The following RGS6 variants were observed in gnomAD, a reference collection of about 807,000 sequenced individuals.
RGS6 encodes the protein regulator of G protein signaling 6.
A neutral mutation model predicts 78.5 loss-of-function variants in RGS6; 30 were observed. The observed-to-expected ratio is 0.38, with a 90% CI of 0.29 to 0.52. The LOEUF is 0.52. RGS6 is among the 20% of genes least tolerant of loss of function. The pLI is 0.85. For missense variants in RGS6, 495 were observed against 609.7 expected (o/e 0.81, Z 1.98); for synonymous variants, 206 against 206.0 (o/e 1.00, Z 0.00).
At chr14:72,325,156 C>G (rs559988471) in intron 2 of RGS6, among the ~76,000 whole-genome samples, 1 of 152,164 alleles carries the variant, frequency 6.6e-6, no homozygotes, top group Non-Finnish European at 1.5e-5. Flanking sequence ...TGTCTTCTTT[C>G]GAGAAGTATC....
At chr14:72,477,400 C>G (rs2096265119) in intron 11 of RGS6, 1 of 152,422 alleles carries the variant, frequency 6.6e-6, no homozygotes, top group African/African-American at 2.4e-5. Context: ...CTTGCTGGTT[C>G]CTAGAGGGCA....
intron 1 of RGS6, among the ~76,000 whole-genome samples, chr14:71,949,743 G>T (rs962443472): frequency 1.3e-5 from 2 of 149,300 alleles, no homozygotes; most frequent in Non-Finnish European, 3.0e-5. Flanking sequence ...CTACCCTAAG[G>T]CTATGAAGCT....
chr14:72,417,265 A>C, intron 3 of RGS6, among the ~76,000 whole-genome samples: 1 of 152,186 alleles, frequency 6.6e-6, no homozygotes, highest in South Asian at 2.1e-4. Context: ...ATTCTCTGTC[A>C]ACTGAATGAC....
At chr14:72,449,595 C>T (rs9989171) in intron 3 of RGS6, among the ~76,000 whole-genome samples, 4 of 152,018 alleles carry the variant, frequency 2.6e-5, no homozygotes, top group Non-Finnish European at 4.4e-5. Context: ...TACTCAACAG[C>T]GTTAATTCAG....
At chr14:72,216,461 T>C (rs1006239459) in intron 2 of RGS6, among the ~76,000 whole-genome samples, 2 of 152,190 alleles carry the variant, frequency 1.3e-5, no homozygotes, top group Non-Finnish European at 2.9e-5. Context: ...GAATTATCAG[T>C]CTTGTTACTA....
intron 2 of RGS6, among the ~76,000 whole-genome samples, chr14:72,256,719 A>G (rs1162932218): frequency 6.6e-6 from 1 of 152,232 alleles, no homozygotes; most frequent in East Asian, 1.9e-4. Context: ...GCCTATATCC[A>G]GAAGAGTTAG....
rs920005185 is a variant in RGS6 at position 72,036,573 on chromosome 14, A to G, written c.84+71698A>G. 4.6e-5 allele frequency among the ~76,000 whole-genome samples: 7 copies of G among 152,280 alleles called. 1 individual carries two copies. The highest frequency in any genetic ancestry group is 4.1e-4 in the South Asian group (2 of 4,828). ...TTAATCTACATTTTTCAAATGGCCAATGATGCTGAACATCTTTTCATGTGC... is the reference window on the plus strand; with the variant it reads ...TTAATCTACATTTTTCAAATGGCCAGTGATGCTGAACATCTTTTCATGTGC... On this transcript the variant is annotated intron_variant, in intron 2 of 17. Transcript: ENST00000553525.
chr14:72,162,960 A>G (rs1044282996), intron 2 of RGS6, among the ~76,000 whole-genome samples: 1 of 152,208 alleles, frequency 6.6e-6, no homozygotes, highest in Non-Finnish European at 1.5e-5. Flanking sequence ...GGAAACCCAA[A>G]CATCATATGT....
intron 2 of RGS6, among the ~76,000 whole-genome samples, chr14:72,224,370 T>A (rs1253461682): frequency 6.6e-6 from 1 of 151,818 alleles, no homozygotes; most frequent in African/African-American, 2.4e-5. Flanking sequence ...GTGGGCAAGA[T>A]GGTGCTGTTG....
chr14:72,052,356 G>A (rs1343278855), intron 2 of RGS6, among the ~76,000 whole-genome samples: 2 of 152,132 alleles, frequency 1.3e-5, no homozygotes, highest in East Asian at 3.9e-4. Flanking sequence ...GAACATAAGT[G>A]GTAGCAGGTC....
intron 15 of RGS6, among the ~76,000 whole-genome samples, chr14:72,528,451 G>T (rs960527704): frequency 3.3e-5 from 5 of 152,140 alleles, no homozygotes; most frequent in African/African-American, 1.2e-4. Context: ...GAGGACTCTG[G>T]CTAAGACACT....
At chr14:71,953,968 C>CATTT (rs1566900548) in intron 1 of RGS6, among the ~76,000 whole-genome samples, 2 of 7,012 alleles carry the variant, frequency 2.9e-4, no homozygotes, top group South Asian at 0.01. Flanking sequence ...TCTAAGTGGG[C>CATTT]GTTTTTTTTT....
chr14:72,116,243 GA>G (rs1445745426), intron 2 of RGS6, among the ~76,000 whole-genome samples: 2 of 152,080 alleles, frequency 1.3e-5, no homozygotes, highest in African/African-American at 4.8e-5. Flanking sequence ...TGAAACCCCA[GA>G]AGAAAAGAGG....
At chr14:72,052,995 C>CTTTCTT (rs1567106353) in intron 2 of RGS6, among the ~76,000 whole-genome samples, 3 of 82,084 alleles carry the variant, frequency 3.7e-5, no homozygotes, top group Non-Finnish European at 5.5e-5. Context: ...CTCTCTCTCT[C>CTTTCTT]TCTCTCTCTC....
chr14:72,161,231 G>C (rs566757865), intron 2 of RGS6, among the ~76,000 whole-genome samples: 52 of 152,270 alleles, frequency 3.4e-4, no homozygotes, highest in African/African-American at 1.2e-3. Flanking sequence ...ACCAGGGCCT[G>C]TTGGGGGCTG....
chr14:71,961,084 G>T (rs1479345500), intron 1 of RGS6, among the ~76,000 whole-genome samples: 1 of 152,198 alleles, frequency 6.6e-6, no homozygotes, highest in Admixed American at 6.5e-5. Context: ...CCTGAGGGTG[G>T]GTGGTGTGGT....
chr14:72,210,561 A>G (rs2153752864), intron 2 of RGS6, among the ~76,000 whole-genome samples: 1 of 152,326 alleles, frequency 6.6e-6, no homozygotes, highest in Non-Finnish European at 1.5e-5. Flanking sequence ...TGAAGAACAG[A>G]TTCACTCTTG....
Position 72,547,460 on chromosome 14 carries a change from G to A in RGS6, c.1422+7366G>A, listed in dbSNP as rs2097425581. 5 of 777,428 alleles carry A rather than the reference G, an allele frequency of 6.4e-6. No homozygotes were observed. In the South Asian group the frequency reaches 8.0e-5, roughly 12 times the overall value. The allele number at this position is 777,428 out of a possible 1,614,324, so 48.2% of individuals were successfully genotyped here. ...CTTCCCCCTTTTAAAATAGTGATGA[G>A]TGTCCCTGGTTTGAGTTGAGTTAGG... On this transcript the variant is annotated intron_variant, in intron 17 of 17. Transcript: ENST00000553525.
intron 2 of RGS6, among the ~76,000 whole-genome samples, chr14:72,247,937 A>T (rs1304314226): frequency 6.6e-6 from 1 of 152,212 alleles, no homozygotes; most frequent in East Asian, 1.9e-4. Context: ...TTAATTATCC[A>T]GTCTGTGTTA....
Sources: allele counts gnomAD v4.1 joint callset (sites outside exome capture counted in the v4.1 genomes callset), GRCh38; gene constraint gnomAD v4.1.1; transcripts MANE v1.5; gene names NCBI Gene and HGNC (gene_info 2026-07-23, HGNC 2026-07-21).